PLCL1: variants seen among roughly 807,000 people sequenced by gnomAD.
The protein encoded by PLCL1 is phospholipase C like 1 (inactive).
Under a neutral mutation model 84.4 loss-of-function variants are expected in PLCL1, and 41 were observed. The ratio of observed to expected loss-of-function variants is 0.49; its 90% CI spans 0.38 to 0.63. PLCL1 has a LOEUF of 0.63. PLCL1 is among the 30% of genes least tolerant of loss of function. The probability of loss-of-function intolerance (pLI) is 0.00; values close to 1 mark genes in which losing one functional copy is unlikely to be tolerated. For missense variants in PLCL1, 1,206 were observed against 1,367.8 expected (o/e 0.88, Z 1.87); for synonymous variants, 490 against 488.3 (o/e 1.00, Z -0.05).
chr2:198,033,807 T>A (rs2105851821), intron 1 of PLCL1, among the ~76,000 whole-genome samples: 1 of 152,280 alleles, frequency 6.6e-6, no homozygotes, highest in African/African-American at 2.4e-5. Context: ...TCAAGCTGGC[T>A]ATTTCCTAAG....
intron 1 of PLCL1, among the ~76,000 whole-genome samples, chr2:197,975,991 T>C (rs915061034): frequency 2.0e-5 from 3 of 152,260 alleles, no homozygotes; most frequent in African/African-American, 7.2e-5. Context: ...TCTAGGATTC[T>C]ATTACTTACA....
intron 1 of PLCL1, among the ~76,000 whole-genome samples, chr2:197,871,731 A>G (rs1687655318): frequency 6.6e-6 from 1 of 151,878 alleles, no homozygotes; most frequent in Non-Finnish European, 1.5e-5. Flanking sequence ...ACAAAATACC[A>G]CCTAAATTAA....
chr2:198,052,919 T>C (rs1691976473), intron 1 of PLCL1, among the ~76,000 whole-genome samples: 1 of 152,246 alleles, frequency 6.6e-6, no homozygotes, highest in African/African-American at 2.4e-5. Context: ...TTATAGTCTC[T>C]GCTTATTATA....
At chr2:197,862,728 A>T (rs1687455232) in intron 1 of PLCL1, among the ~76,000 whole-genome samples, 1 of 152,126 alleles carries the variant, frequency 6.6e-6, no homozygotes, top group Non-Finnish European at 1.5e-5. Context: ...AAAATGCCTG[A>T]GATTAGATCT....
chr2:198,127,605 C>T (rs187564993), intron 5 of PLCL1, among the ~76,000 whole-genome samples: 7 of 152,184 alleles, frequency 4.6e-5, no homozygotes, highest in South Asian at 2.1e-4. Context: ...ATAGTGTTTA[C>T]TTCTAATTTA....
At chr2:198,061,593 A>G (rs1692202516) in intron 1 of PLCL1, among the ~76,000 whole-genome samples, 1 of 100,592 alleles carries the variant, frequency 9.9e-6, no homozygotes, top group African/African-American at 3.1e-5. Flanking sequence ...TTGCAAATGT[A>G]TCGTCATTAT....
intron 1 of PLCL1, among the ~76,000 whole-genome samples, chr2:197,970,072 T>C (rs1022016511): frequency 1.3e-5 from 2 of 152,214 alleles, no homozygotes; most frequent in African/African-American, 4.8e-5. Flanking sequence ...TGGCATCTTA[T>C]TTCATTTTCT....
intron 1 of PLCL1, chr2:198,001,997 T>G (rs1238601367): frequency 2.3e-6 from 1 of 440,536 alleles, no homozygotes; most frequent in South Asian, 1.6e-5. Flanking sequence ...TTTCCACTGA[T>G]TCTTCATTAT....
intron 1 of PLCL1, among the ~76,000 whole-genome samples, chr2:198,031,953 C>T (rs771170814): frequency 1.2e-4 from 18 of 151,984 alleles, no homozygotes; most frequent in Non-Finnish European, 2.6e-4. Flanking sequence ...AAGATGGGTA[C>T]ATATAGATTT....
intron 1 of PLCL1, among the ~76,000 whole-genome samples, chr2:198,004,322 C>T (rs866876339): frequency 6.6e-6 from 1 of 152,074 alleles, no homozygotes; most frequent in African/African-American, 2.4e-5. Context: ...TCATTCAGTT[C>T]CTTGATGGAT....
At chr2:198,079,441 C>T (rs952804226) in intron 1 of PLCL1, among the ~76,000 whole-genome samples, 1 of 151,788 alleles carries the variant, frequency 6.6e-6, no homozygotes, top group Non-Finnish European at 1.5e-5. Flanking sequence ...GCCATTTTCC[C>T]CTTGTATTTT....
intron 1 of PLCL1, among the ~76,000 whole-genome samples, chr2:197,870,576 C>T (rs771338294): frequency 6.6e-6 from 1 of 152,088 alleles, no homozygotes; most frequent in Non-Finnish European, 1.5e-5. Flanking sequence ...TGTGGCATCT[C>T]TACCCTCAGA....
chr2:197,898,378 G>A (rs1427749442), intron 1 of PLCL1, among the ~76,000 whole-genome samples: 1 of 152,142 alleles, frequency 6.6e-6, no homozygotes, highest in Admixed American at 6.5e-5. Flanking sequence ...GCTTCATGAA[G>A]TTGCCAGATC....
intron 5 of PLCL1, among the ~76,000 whole-genome samples, chr2:198,121,645 A>G (rs1693869611): frequency 6.6e-6 from 1 of 150,530 alleles, no homozygotes; most frequent in Non-Finnish European, 1.5e-5. Flanking sequence ...TGGGTTCTCT[A>G]TTCTGTTCCA....
chr2:197,932,765 G>C (rs1473210937), intron 1 of PLCL1, among the ~76,000 whole-genome samples: 1 of 152,210 alleles, frequency 6.6e-6, no homozygotes, highest in African/African-American at 2.4e-5. Flanking sequence ...AGGTAAGTGA[G>C]ACATGGGCTG....
intron 1 of PLCL1, among the ~76,000 whole-genome samples, chr2:197,941,739 C>T (rs1438200550): frequency 6.6e-6 from 1 of 152,190 alleles, no homozygotes; most frequent in Non-Finnish European, 1.5e-5. Context: ...TGGGTTAGCC[C>T]TCACCATTCT....
At chr2:198,056,915 C>T (rs750791159) in intron 1 of PLCL1, among the ~76,000 whole-genome samples, 54 of 152,172 alleles carry the variant, frequency 3.5e-4, no homozygotes, top group Non-Finnish European at 5.3e-4. Context: ...TTTCAATCAA[C>T]GCTATCCACA....
intron 1 of PLCL1, among the ~76,000 whole-genome samples, chr2:197,882,788 T>C (rs1421848239): frequency 3.9e-5 from 6 of 152,210 alleles, no homozygotes; most frequent in African/African-American, 1.2e-4. Context: ...ATATACTATA[T>C]GTATACTTAT....
chr2:197,969,275 T>C (rs1689810922), intron 1 of PLCL1, among the ~76,000 whole-genome samples: 1 of 152,212 alleles, frequency 6.6e-6, no homozygotes, highest in East Asian at 1.9e-4. Context: ...TCAAAGTGCA[T>C]GTGTGAGTCT....
Sources: allele counts gnomAD v4.1 joint callset (sites outside exome capture counted in the v4.1 genomes callset), GRCh38; gene constraint gnomAD v4.1.1; transcripts MANE v1.5; gene names NCBI Gene and HGNC (gene_info 2026-07-23, HGNC 2026-07-21).